TATDN1: variants seen among roughly 807,000 people sequenced by gnomAD.
TATDN1 encodes TatD DNase domain containing 1.
In TATDN1, 40 loss-of-function variants were observed where a neutral mutation model predicts 46.4. The observed-to-expected ratio is 0.86, with a 90% CI of 0.67 to 1.12. The LOEUF (loss-of-function observed/expected upper bound fraction) is 1.12, where lower values mean the gene tolerates loss of function less well. Ranked by LOEUF, TATDN1 falls within the 50% of genes most tolerant of loss-of-function variation. The pLI, the probability that TATDN1 is intolerant of heterozygous loss-of-function variation, is 0.00. For synonymous variants in TATDN1, 95 were observed against 105.6 expected, an observed-to-expected ratio of 0.90 and a Z score of 0.62; for missense variants, 326 against 348.4, an observed-to-expected ratio of 0.94 and a Z score of 0.51.
At chr8:124,523,445 G>C (rs1820225029) in intron 1 of TATDN1, 1 of 161,186 alleles carries the variant, frequency 6.2e-6, no homozygotes, top group African/African-American at 2.4e-5. Context: ...AGATGGGAAA[G>C]AGCACAGTGC....
At chr8:124,501,400 C>T (rs1563651987) in intron 9 of TATDN1, among the ~76,000 whole-genome samples, 1 of 152,044 alleles carries the variant, frequency 6.6e-6, no homozygotes, top group African/African-American at 2.4e-5. Context: ...TTCTAGAGAG[C>T]TTCCAAATGG....
chr8:124,522,786 C>G (rs1474463835), intron 2 of TATDN1, 151 bp downstream of exon 2: 12 of 701,360 alleles, frequency 1.7e-5, no homozygotes, highest in Non-Finnish European at 3.0e-5. Context: ...AACTCCTGAG[C>G]TCAGGCAATC....
chr8:124,512,189 G>A lies in TATDN1; in HGVS notation c.390-3501C>T, dbSNP rs1281533272. 3.3e-5 allele frequency among the ~76,000 whole-genome samples: 5 copies of A among 152,110 alleles called. No homozygotes were observed. The East Asian group carries it at 5.8e-4, about 18-fold the overall frequency. ...TGTAACCCTAGCACTTTGGGAGGCC[G>A]TGGTGGGCGGATCACTTGAGGTCTG... On this transcript the variant is annotated intron_variant, in intron 6 of 11. Transcript: ENST00000276692.
At chr8:124,535,248 C>A (rs908986346) in intron 1 of TATDN1, among the ~76,000 whole-genome samples, 1 of 152,138 alleles carries the variant, frequency 6.6e-6, no homozygotes, top group Admixed American at 6.5e-5. Flanking sequence ...AGGAGTTGTG[C>A]ACAAAGAAAT....
At chr8:124,507,784 C>CAAAAAAA (rs201337834) in intron 8 of TATDN1, among the ~76,000 whole-genome samples, 1 of 93,574 alleles carries the variant, frequency 1.1e-5, no homozygotes. Flanking sequence ...TCTTAATAAC[C>CAAAAAAA]AAAAAAAAAA....
intron 1 of TATDN1, among the ~76,000 whole-genome samples, chr8:124,525,383 G>A (rs1025446937): frequency 1.3e-5 from 2 of 152,052 alleles, no homozygotes; most frequent in African/African-American, 4.8e-5. Flanking sequence ...CTGACCTCAG[G>A]AGCTCCACCC....
chr8:124,501,158 C>T (rs1299254474), intron 9 of TATDN1, among the ~76,000 whole-genome samples: 2 of 152,214 alleles, frequency 1.3e-5, no homozygotes, highest in African/African-American at 4.8e-5. Flanking sequence ...AGCATGGAGA[C>T]TGGGGCAGCC....
At chr8:124,514,628 T>C (rs1819302228) in intron 6 of TATDN1, among the ~76,000 whole-genome samples, 1 of 152,242 alleles carries the variant, frequency 6.6e-6, no homozygotes, top group Non-Finnish European at 1.5e-5. Flanking sequence ...CTCAGTCTAA[T>C]GTTTTATCAT....
At chr8:124,522,363 T>C (rs1820123241) in intron 2 of TATDN1, among the ~76,000 whole-genome samples, 163 bp from the exon 3 acceptor site, 1 of 152,198 alleles carries the variant, frequency 6.6e-6, no homozygotes, top group African/African-American at 2.4e-5. Flanking sequence ...TTCATGATCA[T>C]GGTTTATCAA....
At chr8:124,526,290 A>G (rs1031601342) in intron 1 of TATDN1, among the ~76,000 whole-genome samples, 3 of 152,250 alleles carry the variant, frequency 2.0e-5, no homozygotes, top group Non-Finnish European at 2.9e-5. Flanking sequence ...GTGCTTGAAT[A>G]AACTCTGTAA....
chr8:124,504,008 A>C (rs1818196013), intron 9 of TATDN1: 4 of 1,176,536 alleles, frequency 3.4e-6, no homozygotes, highest in South Asian at 2.7e-5. Context: ...GGATTACCAG[A>C]GAAAGCCAGC....
intron 9 of TATDN1, among the ~76,000 whole-genome samples, chr8:124,498,282 C>T (rs545385581): frequency 1.3e-4 from 20 of 152,132 alleles, no homozygotes; most frequent in African/African-American, 4.3e-4. Flanking sequence ...TATTATGAAA[C>T]TTCATTTAAA....
At chr8:124,489,384 CTTTCTT>C (rs1816725153) in intron 11 of TATDN1, 1 of 149,738 alleles carries the variant, frequency 6.7e-6, no homozygotes, top group Admixed American at 6.7e-5. Flanking sequence ...CCTTCCTTTC[CTTTCTT>C]TTTCTTTCCT....
Position 124,515,765 on chromosome 8 carries a change from G to A in TATDN1, c.370C>T (p.Pro124Ser), listed in dbSNP as rs754947636. The change falls in exon 6 of 12, where the codon CCC (proline) becomes TCC (serine). Residue 124 changes from proline to serine, a missense_variant. By Grantham distance (74) the Pro-to-Ser change is moderately conservative. Coordinates refer to ENST00000276692, the MANE Select transcript of TATDN1 (RefSeq NM_032026.4). ...CCTTACTTGAGTTGAGTATCTTTGG[G>A]ACAAAACTGCAGTCGGTCAAAATCT... ...GLDFDRLQFC[P>S]KDTQLKYFEK... 1.2e-6 allele frequency: 2 copies of A among 1,613,670 alleles called. No individual in the cohort carries two copies. Among genetic ancestry groups the A allele is most frequent in the Non-Finnish European group, 8.5e-7 (1 of 1,179,798 alleles).
intron 6 of TATDN1, among the ~76,000 whole-genome samples, chr8:124,514,563 A>G (rs755754861): frequency 2.6e-5 from 4 of 152,208 alleles, no homozygotes; most frequent in Non-Finnish European, 5.9e-5. Context: ...TGGCTGGCAC[A>G]CAGTACTCCA....
chr8:124,510,241 T>C (rs573275787), intron 6 of TATDN1, among the ~76,000 whole-genome samples: 1 of 152,184 alleles, frequency 6.6e-6, no homozygotes, highest in Non-Finnish European at 1.5e-5. Context: ...CAAAAAGAGA[T>C]TTTGATAATA....
chr8:124,516,048 C>T lies in TATDN1; in HGVS notation c.203-18G>A. The T allele has an allele frequency of 6.4e-7, 1 of 1,565,208 alleles. No individual in the cohort carries two copies. The highest frequency in any genetic ancestry group is 8.6e-7 in the Non-Finnish European group (1 of 1,157,296). ...AAACATACCTAACAGAAAATAATGTCTTAGGATTATTTTCAAAGTATTTTC... is the reference window on the plus strand; with the variant it reads ...AAACATACCTAACAGAAAATAATGTTTTAGGATTATTTTCAAAGTATTTTC... On this transcript the variant is annotated intron_variant, in intron 4 of 11. Coordinates refer to ENST00000276692, the MANE Select transcript of TATDN1 (RefSeq NM_032026.4).
chr8:124,502,056 T>G (rs1262970861), intron 9 of TATDN1, among the ~76,000 whole-genome samples: 1 of 152,096 alleles, frequency 6.6e-6, no homozygotes, highest in Non-Finnish European at 1.5e-5. Flanking sequence ...AGTGGGGGGC[T>G]GGGTGTGGTG....
intron 1 of TATDN1, among the ~76,000 whole-genome samples, chr8:124,524,884 T>C (rs539936501): frequency 6.6e-6 from 1 of 152,236 alleles, no homozygotes; most frequent in South Asian, 2.1e-4. Context: ...TGTCAGGATA[T>C]TCTGCTTGAG....
Sources: gnomAD v4.1 joint callset for allele counts (sites outside exome capture counted in the v4.1 genomes callset) on GRCh38, gnomAD v4.1.1 for gene constraint, MANE v1.5 for transcripts, NCBI Gene and HGNC (gene_info 2026-07-23, HGNC 2026-07-21) for gene names.